The following TSGA10 variants were observed in gnomAD, a reference collection of about 807,000 sequenced individuals.
TSGA10 encodes testis-specific gene 10 protein.
In TSGA10, 43 loss-of-function variants were observed where a neutral mutation model predicts 96.6. The ratio of observed to expected loss-of-function variants is 0.44; its 90% confidence interval spans 0.35 to 0.57. The LOEUF (loss-of-function observed/expected upper bound fraction) is 0.57, where lower values mean the gene tolerates loss of function less well. TSGA10 is among the 20% of genes least tolerant of loss of function. The pLI is 0.01. For missense variants in TSGA10, 703 were observed against 834.4 expected (o/e 0.84, Z 1.94); for synonymous variants, 229 against 269.9 (o/e 0.85, Z 1.48).
At chr2:99,112,292 T>C (rs562857939) in intron 4 of TSGA10, among the ~76,000 whole-genome samples, 1 of 152,154 alleles carries the variant, frequency 6.6e-6, no homozygotes. Context: ...AAGATAATAG[T>C]CAAAATATGT....
intron 20 of TSGA10, among the ~76,000 whole-genome samples, chr2:99,003,399 A>AAACTT (rs1450258529): frequency 1.3e-5 from 2 of 152,202 alleles, no homozygotes; most frequent in African/African-American, 4.8e-5. Context: ...AACGAGAAAG[A>AAACTT]AACTTAACAA....
intron 10 of TSGA10, among the ~76,000 whole-genome samples, chr2:99,101,408 T>A (rs2104779530): frequency 6.6e-6 from 1 of 151,998 alleles, no homozygotes; most frequent in East Asian, 1.9e-4. Flanking sequence ...CCTCAAGTAA[T>A]CCTCCTCCCT....
Position 99,104,031 on chromosome 2 carries a change from C to A in TSGA10, c.547G>T (p.Ala183Ser). 1 of 1,614,064 alleles carries A rather than the reference C, an allele frequency of 6.2e-7. No homozygotes were observed. Among genetic ancestry groups the A allele is most frequent in the Non-Finnish European group, 8.5e-7 (1 of 1,179,984 alleles). ...CTTTCGGTATCCATTGCCTTTCTTGCTAGTGATTTCATTTCTTTTTCCACA... is the reference window on the plus strand; with the variant it reads ...CTTTCGGTATCCATTGCCTTTCTTGATAGTGATTTCATTTCTTTTTCCACA... ...STVEKEMKSL[A>S]RKAMDTESEL... Residue 183 changes from alanine to serine, a missense_variant, in exon 10 of 21, where the codon GCA (alanine) becomes TCA (serine). By Grantham distance (99) the Ala-to-Ser change is moderately conservative. Coordinates refer to ENST00000393483, the MANE Select transcript of TSGA10 (RefSeq NM_025244.4).
At chr2:99,145,814 G>A (rs1040483536) in intron 1 of TSGA10, among the ~76,000 whole-genome samples, 2 of 152,166 alleles carry the variant, frequency 1.3e-5, no homozygotes, top group Non-Finnish European at 2.9e-5. Flanking sequence ...GTTGAGCAGA[G>A]GACTGCTGTG....
At chr2:99,077,891 C>T (rs765115238) in intron 12 of TSGA10, among the ~76,000 whole-genome samples, 1 of 151,736 alleles carries the variant, frequency 6.6e-6, no homozygotes, top group African/African-American at 2.4e-5. Context: ...CTTTTTTCAA[C>T]AACAAAAATG....
intron 10 of TSGA10, chr2:99,102,555 C>T (rs2090891550): frequency 6.2e-7 from 1 of 1,614,104 alleles, no homozygotes; most frequent in Non-Finnish European, 8.5e-7. Flanking sequence ...GGATGCTCAG[C>T]ACAGAAAGGC....
At chr2:99,062,378 A>G (rs2084797999) in intron 16 of TSGA10, among the ~76,000 whole-genome samples, 1 of 152,202 alleles carries the variant, frequency 6.6e-6, no homozygotes, top group African/African-American at 2.4e-5. Context: ...AGACAATAAG[A>G]TATTAGACAC....
intron 12 of TSGA10, among the ~76,000 whole-genome samples, chr2:99,077,400 G>A (rs954344833): frequency 4.6e-5 from 7 of 151,986 alleles, no homozygotes; most frequent in Admixed American, 4.6e-4. Flanking sequence ...TAATGAATGA[G>A]TTACCTTAGT....
intron 20 of TSGA10, among the ~76,000 whole-genome samples, chr2:99,010,527 T>C (rs1457726911): frequency 6.6e-6 from 1 of 152,108 alleles, no homozygotes; most frequent in Non-Finnish European, 1.5e-5. Context: ...TGAAAGAGAT[T>C]TATGGAGTCA....
At chr2:99,153,878 A>T (rs1163282957) in intron 1 of TSGA10, among the ~76,000 whole-genome samples, 1 of 152,230 alleles carries the variant, frequency 6.6e-6, no homozygotes, top group Admixed American at 6.5e-5. Flanking sequence ...TTCTTACTCC[A>T]AGAGGCAAGT....
At chr2:99,017,722 GCCACTGCACT>G (rs2104930883) in intron 20 of TSGA10, among the ~76,000 whole-genome samples, 2 of 147,770 alleles carry the variant, frequency 1.4e-5, no homozygotes, top group South Asian at 4.3e-4. Context: ...CCGAGATCCC[GCCACTGCACT>G]CCAGCCTGGA....
At chr2:99,083,222 T>C (rs1204006321) in intron 10 of TSGA10, among the ~76,000 whole-genome samples, 1 of 152,084 alleles carries the variant, frequency 6.6e-6, no homozygotes, top group Non-Finnish European at 1.5e-5. Context: ...AAGACAATTA[T>C]AAATGGGGGA....
At chr2:99,007,235 T>C (rs2078576807) in intron 20 of TSGA10, among the ~76,000 whole-genome samples, 1 of 152,152 alleles carries the variant, frequency 6.6e-6, no homozygotes, top group Admixed American at 6.5e-5. Flanking sequence ...GGCACATGTA[T>C]ACATATGTAA....
intron 20 of TSGA10, among the ~76,000 whole-genome samples, 177 bp downstream of exon 20, chr2:99,018,021 AAT>A (rs1171232637): frequency 6.6e-6 from 1 of 152,120 alleles, no homozygotes; most frequent in East Asian, 1.9e-4. Flanking sequence ...ACTTTAGTAT[AAT>A]ATATATAATT....
intron 4 of TSGA10, among the ~76,000 whole-genome samples, chr2:99,115,294 G>A (rs1307852166): frequency 6.6e-6 from 1 of 151,808 alleles, no homozygotes; most frequent in African/African-American, 2.4e-5. Flanking sequence ...AACTGTGAAT[G>A]TTACTTTAAA....
intron 20 of TSGA10, among the ~76,000 whole-genome samples, chr2:99,006,437 G>T (rs28840097): frequency 6.6e-6 from 1 of 151,722 alleles, no homozygotes; most frequent in Non-Finnish European, 1.5e-5. Flanking sequence ...GAACTCAAAC[G>T]AATTTACAAG....
intron 20 of TSGA10, among the ~76,000 whole-genome samples, chr2:99,009,895 C>A (rs1411964872): frequency 6.6e-6 from 1 of 151,988 alleles, no homozygotes; most frequent in Non-Finnish European, 1.5e-5. Flanking sequence ...CATGAGCCAC[C>A]ACATGTGTAT....
chr2:99,112,649 G>C (rs912834642), intron 4 of TSGA10, among the ~76,000 whole-genome samples: 2 of 151,898 alleles, frequency 1.3e-5, no homozygotes, highest in Admixed American at 6.6e-5. Context: ...CTCTAACAAA[G>C]GTCCTAAGGC....
At chr2:99,003,718 G>A (rs778407731) in intron 20 of TSGA10, among the ~76,000 whole-genome samples, 2 of 152,134 alleles carry the variant, frequency 1.3e-5, no homozygotes, top group Non-Finnish European at 2.9e-5. Flanking sequence ...GGTAAATAAC[G>A]AGATGAAGGC....
Sources: gnomAD v4.1 joint callset for allele counts (sites outside exome capture counted in the v4.1 genomes callset) on GRCh38, gnomAD v4.1.1 for gene constraint, MANE v1.5 for transcripts, NCBI Gene and HGNC (gene_info 2026-07-23, HGNC 2026-07-21) for gene names.